The following DTNB variants were observed in gnomAD, a reference collection of about 807,000 sequenced individuals.
The protein encoded by DTNB is dystrobrevin beta, also known as DTN-B.
Under a neutral mutation model 90.7 loss-of-function variants are expected in DTNB, and 63 were observed. The observed-to-expected ratio is 0.69, with a 90% CI of 0.57 to 0.86. The LOEUF (loss-of-function observed/expected upper bound fraction) is 0.86, where lower values mean the gene tolerates loss of function less well. Among genes scored for constraint, DTNB ranks in the 40% least tolerant of loss-of-function variants. DTNB has a pLI of 0.00. For missense variants in DTNB, 744 were observed against 807.1 expected (o/e 0.92, Z 0.95); for synonymous variants, 277 against 286.7 (o/e 0.97, Z 0.34).
At chr2:25,399,350 C>CGTTTTTTTTTTTTTT (rs1553325367) in intron 16 of DTNB, 4 of 119,964 alleles carry the variant, frequency 3.3e-5, no homozygotes, top group African/African-American at 1.5e-4. Flanking sequence ...CGCCCCTGAC[C>CGTTTTTTTTTTTTTT]TTTTTTTTTT....
At chr2:25,396,494 G>A in intron 16 of DTNB, among the ~76,000 whole-genome samples, 1 of 150,326 alleles carries the variant, frequency 6.7e-6, no homozygotes, top group Non-Finnish European at 1.5e-5. Context: ...CTAGGCAACA[G>A]AGCAAGACAC....
intron 4 of DTNB, among the ~76,000 whole-genome samples, chr2:25,608,685 C>CT (rs901118857): frequency 2.6e-5 from 4 of 152,128 alleles, no homozygotes; most frequent in African/African-American, 9.7e-5. Context: ...AGTGGACTTT[C>CT]TTTTTTGACA....
intron 12 of DTNB, among the ~76,000 whole-genome samples, chr2:25,435,526 C>T (rs145632142): frequency 1.5e-4 from 23 of 152,290 alleles, no homozygotes; most frequent in African/African-American, 5.3e-4. Flanking sequence ...TTTCACTTAG[C>T]AAAATGTTTT....
Position 25,572,165 on chromosome 2 carries a change from A to G in DTNB, c.876+4673T>C, listed in dbSNP as rs187078829. 5.9e-5 allele frequency among the ~76,000 whole-genome samples: 9 copies of G among 152,234 alleles called. No homozygotes were observed. In the East Asian group the frequency reaches 1.7e-3, roughly 30 times the overall value. ...CCTTAAGATGCAATCTATGAACTAA[A>G]AAGGCAAACTATCTGCACCAGGCCG... On this transcript the variant is annotated intron_variant, in intron 8 of 20. Transcript: ENST00000406818.
In DTNB at chr2:25,502,448, T is replaced by C. The variant is rs375206281; in HGVS notation, c.1002-19575A>G. Reference sequence around the variant, plus strand: ...AAAAAGAAATAAAAGATGTCCAGACTGGGGCTTGGCACAGTGGCTCACTCC... The same window carrying C: ...AAAAAGAAATAAAAGATGTCCAGACCGGGGCTTGGCACAGTGGCTCACTCC... On this transcript the variant is annotated intron_variant, in intron 9 of 20. Coordinates refer to ENST00000406818, the MANE Select transcript of DTNB (RefSeq NM_021907.5). Among the ~76,000 whole-genome samples the C allele has an allele frequency of 3.5e-4, 53 of 152,200 alleles. No individual in the cohort carries two copies. The East Asian group carries it at 5.8e-3, about 17-fold the overall frequency.
chr2:25,650,160 C>T (rs1177131118), intron 2 of DTNB: 2 of 985,352 alleles, frequency 2.0e-6, no homozygotes, highest in East Asian at 1.1e-4. Flanking sequence ...ACCCCATCAA[C>T]GCCTGCATGC....
intron 1 of DTNB, among the ~76,000 whole-genome samples, chr2:25,671,676 G>A (rs1559463822): frequency 6.6e-6 from 1 of 152,170 alleles, no homozygotes; most frequent in East Asian, 1.9e-4. Context: ...GGGCATAGTG[G>A]ACATCCAAAA....
chr2:25,387,346 C>T lies in DTNB; in HGVS notation c.1768G>A (p.Val590Met). 1 of 1,612,320 alleles carries T rather than the reference C, an allele frequency of 6.2e-7. No individual in the cohort carries two copies. The highest frequency in any genetic ancestry group is 8.5e-7 in the Non-Finnish European group (1 of 1,179,320). ...GTGTTGGTGATGGAGTCAGCTGCCA[C>T]CAGCAGGTCATTGCGGAGGTTTCTC... is the stretch of plus-strand genomic sequence containing the variant. ...TRRNLRNDLL[V>M]AADSITNTMS... The change falls in exon 18 of 21, where the codon GTG becomes ATG. Residue 590 changes from valine (V) to methionine (M), a missense_variant. Coordinates refer to ENST00000406818, the MANE Select transcript of DTNB (RefSeq NM_021907.5). The surrounding 1 kb of genome is among the most constrained non-coding windows in gnomAD (Gnocchi z 4.5).
intron 12 of DTNB, among the ~76,000 whole-genome samples, chr2:25,434,552 C>T (rs2055049079): frequency 6.6e-6 from 1 of 152,032 alleles, no homozygotes; most frequent in South Asian, 2.1e-4. Context: ...GCACATGCCA[C>T]CGTGCCTGGC....
intron 1 of DTNB, among the ~76,000 whole-genome samples, chr2:25,664,106 T>G (rs1218744360): frequency 1.3e-5 from 2 of 152,234 alleles, no homozygotes; most frequent in Admixed American, 1.3e-4. Flanking sequence ...TCAGGTACAA[T>G]GTACTCAACA....
At chr2:25,508,482 T>C (rs1485740899) in intron 9 of DTNB, among the ~76,000 whole-genome samples, 1 of 151,896 alleles carries the variant, frequency 6.6e-6, no homozygotes, top group Non-Finnish European at 1.5e-5. Context: ...ATTTAGGGCT[T>C]TTAACATTTC....
chr2:25,612,232 G>A (rs991735074), intron 4 of DTNB, among the ~76,000 whole-genome samples: 4 of 151,986 alleles, frequency 2.6e-5, no homozygotes, highest in African/African-American at 9.7e-5. Flanking sequence ...TCATATGCAA[G>A]GCAGACTAAG....
At chr2:25,616,946 AAAAAAAGG>A (rs1343812735) in intron 4 of DTNB, among the ~76,000 whole-genome samples, 2 of 120,248 alleles carry the variant, frequency 1.7e-5, no homozygotes, top group African/African-American at 2.9e-5. Flanking sequence ...AAAAAAAAAA[AAAAAAAGG>A]AAAAAAAAGA....
intron 9 of DTNB, among the ~76,000 whole-genome samples, chr2:25,511,602 G>C (rs1220403501): frequency 6.6e-6 from 1 of 152,176 alleles, no homozygotes; most frequent in East Asian, 1.9e-4. Context: ...AAAGTGCTGG[G>C]ATTAGAGGCG....
intron 8 of DTNB, among the ~76,000 whole-genome samples, chr2:25,574,085 A>G (rs777316959): frequency 3.7e-4 from 56 of 152,318 alleles, no homozygotes; most frequent in Middle Eastern, 6.8e-3. Context: ...TCCACTGGCA[A>G]GAACTACTCA....
intron 10 of DTNB, among the ~76,000 whole-genome samples, chr2:25,455,984 C>T (rs956413825): frequency 6.6e-5 from 10 of 152,202 alleles, no homozygotes; most frequent in African/African-American, 1.9e-4. Context: ...TATAAGGATA[C>T]TGCCTTTAGC....
At chr2:25,601,525 T>C (rs1042296995) in intron 5 of DTNB, among the ~76,000 whole-genome samples, 1 of 152,244 alleles carries the variant, frequency 6.6e-6, no homozygotes, top group African/African-American at 2.4e-5. Context: ...TTTTTCCTGG[T>C]GATAATGACC....
chr2:25,610,295 T>C (rs1049444745), intron 4 of DTNB, among the ~76,000 whole-genome samples: 4 of 152,142 alleles, frequency 2.6e-5, no homozygotes, highest in African/African-American at 9.7e-5. Context: ...TTTAAAGAAA[T>C]AGTTTAGCTA....
chr2:25,494,087 G>A (rs2068210406), intron 9 of DTNB, among the ~76,000 whole-genome samples: 1 of 152,172 alleles, frequency 6.6e-6, no homozygotes, highest in Non-Finnish European at 1.5e-5. Flanking sequence ...GAGGTTGTGG[G>A]GGGAAGACAG....
Sources: gnomAD v4.1 joint callset for allele counts (sites outside exome capture counted in the v4.1 genomes callset) on GRCh38, gnomAD v4.1.1 for gene constraint, Gnocchi (gnomAD v3.1) non-coding constraint, MANE v1.5 for transcripts, NCBI Gene and HGNC (gene_info 2026-07-23, HGNC 2026-07-21) for gene names.